Variants in FARP1 observed in about 807,000 individuals in gnomAD.
FARP1 encodes the protein FERM, ARH/RhoGEF and pleckstrin domain protein 1, also known as FERM, ARHGEF and pleckstrin domain-containing protein 1.
FARP1 carries 52 observed loss-of-function variants against 128.8 expected under a neutral mutation model. The ratio of observed to expected loss-of-function variants is 0.40; its 90% confidence interval spans 0.32 to 0.51. The LOEUF (loss-of-function observed/expected upper bound fraction) is 0.51. Among genes scored for constraint, FARP1 ranks in the 20% least tolerant of loss-of-function variants. The pLI, the probability that FARP1 is intolerant of heterozygous loss-of-function variation, is 0.45. For missense variants in FARP1, 1,333 were observed against 1,367.9 expected (o/e 0.97, Z 0.40); for synonymous variants, 580 against 551.8 (o/e 1.05, Z -0.72).
intron 2 of FARP1, among the ~76,000 whole-genome samples, chr13:98,283,958 A>G (rs1218006560): frequency 2.0e-5 from 3 of 152,252 alleles, no homozygotes; most frequent in Admixed American, 2.0e-4. Flanking sequence ...CCAGCAACAT[A>G]TAGTGATTTC....
At chr13:98,223,406 A>G (rs975537214) in intron 2 of FARP1, among the ~76,000 whole-genome samples, 2 of 152,056 alleles carry the variant, frequency 1.3e-5, no homozygotes, top group African/African-American at 4.8e-5. Context: ...GCTCACTGCA[A>G]CCTCCGCCTC....
chr13:98,330,401 A>G (rs1887452047), intron 2 of FARP1, among the ~76,000 whole-genome samples: 1 of 152,224 alleles, frequency 6.6e-6, no homozygotes, highest in Non-Finnish European at 1.5e-5. Context: ...TTATGTGATA[A>G]GTCAGATAGT....
chr13:98,285,291 A>G (rs1885115098), intron 2 of FARP1, among the ~76,000 whole-genome samples: 1 of 151,734 alleles, frequency 6.6e-6, no homozygotes, highest in African/African-American at 2.4e-5. Context: ...ATTCTTACTT[A>G]TAAGAAGTTT....
At chr13:98,317,066 G>A (rs1017916921) in intron 2 of FARP1, among the ~76,000 whole-genome samples, 1 of 152,148 alleles carries the variant, frequency 6.6e-6, no homozygotes, top group Non-Finnish European at 1.5e-5. Flanking sequence ...GACACACACA[G>A]CCATGTGGAG....
chr13:98,247,789 G>A (rs1393448817), intron 2 of FARP1, among the ~76,000 whole-genome samples: 2 of 152,150 alleles, frequency 1.3e-5, no homozygotes, highest in Non-Finnish European at 2.9e-5. Context: ...AACAGAAACA[G>A]AGAACAGGGG....
intron 1 of FARP1, among the ~76,000 whole-genome samples, chr13:98,203,108 T>A (rs1461948433): frequency 1.3e-5 from 2 of 152,212 alleles, no homozygotes; most frequent in Non-Finnish European, 2.9e-5. Context: ...GTCCCCAGCC[T>A]GCCTTGCTTT....
At chr13:98,420,773 G>T (rs576039672) in intron 16 of FARP1, among the ~76,000 whole-genome samples, 1 of 152,318 alleles carries the variant, frequency 6.6e-6, no homozygotes, top group South Asian at 2.1e-4. Context: ...AGGACGTGGT[G>T]GAAGAGTTAT....
chr13:98,409,724 A>C (rs570719086), intron 14 of FARP1, among the ~76,000 whole-genome samples, 199 bp downstream of exon 14: 3 of 152,304 alleles, frequency 2.0e-5, no homozygotes, highest in African/African-American at 7.2e-5. Context: ...TTATCTTCCC[A>C]AACAGAAACT....
chr13:98,267,162 A>G (rs1424262587), intron 2 of FARP1, among the ~76,000 whole-genome samples: 2 of 152,196 alleles, frequency 1.3e-5, no homozygotes, highest in South Asian at 2.1e-4. Flanking sequence ...AAGGGCCACC[A>G]CTATGTTTTT....
intron 5 of FARP1, among the ~76,000 whole-genome samples, chr13:98,376,581 G>A (rs113552148): frequency 2.3e-3 from 352 of 152,280 alleles, no homozygotes; most frequent in African/African-American, 8.0e-3. Context: ...CAGTAAACAT[G>A]GGAGTGCAGA....
chr13:98,243,056 C>T (rs1882862083), intron 2 of FARP1, among the ~76,000 whole-genome samples: 1 of 152,176 alleles, frequency 6.6e-6, no homozygotes, highest in African/African-American at 2.4e-5. Flanking sequence ...TTACTGTTTC[C>T]ATGAGGAACT....
chr13:98,190,587 G>A (rs1286577430), intron 1 of FARP1, among the ~76,000 whole-genome samples: 1 of 152,156 alleles, frequency 6.6e-6, no homozygotes, highest in Admixed American at 6.5e-5. Flanking sequence ...TTTAGAAACA[G>A]GGTCTCGCTC....
chr13:98,328,598 C>T (rs1887336449), intron 2 of FARP1: 1 of 152,204 alleles, frequency 6.6e-6, no homozygotes, highest in Non-Finnish European at 1.5e-5. Flanking sequence ...GACTCTTTTT[C>T]TTTCCTCATT....
rs187487953 is a variant in FARP1 at position 98,351,235 on chromosome 13, G to A, written c.276+7369G>A. ...GCAGTGGCCTGCTGAGCTGTTGGCC[G>A]TATCATACCTGAATAAGAAATGTGC... is the stretch of plus-strand genomic sequence containing the variant. On this transcript the variant is annotated intron_variant, in intron 3 of 26. Transcript: ENST00000319562. Among the ~76,000 whole-genome samples, 176 of 152,224 alleles carry A rather than the reference G, an allele frequency of 1.2e-3. 1 individual carries two copies. The highest frequency in any genetic ancestry group is 3.4e-3 in the Middle Eastern group (1 of 292).
At chr13:98,367,133 AGATGAT>A (rs111823714) in intron 4 of FARP1, among the ~76,000 whole-genome samples, 68 of 148,704 alleles carry the variant, frequency 4.6e-4, no homozygotes, top group East Asian at 3.4e-3. Context: ...TGCAAATCAC[AGATGAT>A]GATGATGATG....
At chr13:98,228,834 A>G (rs1881945220) in intron 2 of FARP1, among the ~76,000 whole-genome samples, 1 of 152,230 alleles carries the variant, frequency 6.6e-6, no homozygotes, top group African/African-American at 2.4e-5. Context: ...CATTGCAAAG[A>G]TATAGAATGT....
intron 8 of FARP1, among the ~76,000 whole-genome samples, chr13:98,387,973 TAGTA>T (rs1358575095): frequency 2.0e-5 from 3 of 152,122 alleles, no homozygotes; most frequent in Non-Finnish European, 4.4e-5. Flanking sequence ...AAAATGAAAA[TAGTA>T]AGTCCATCTT....
Position 98,274,996 on chromosome 13 carries a change from CTT to C in FARP1, c.171+61584_171+61585del, listed in dbSNP as rs1884567878. Among the ~76,000 whole-genome samples, 3 of 152,276 alleles carry C rather than the reference CTT, an allele frequency of 2.0e-5. No individual in the cohort carries two copies. In the South Asian group the frequency reaches 6.2e-4, roughly 32 times the overall value. On this transcript the variant is annotated intron_variant, in intron 2 of 26. Coordinates refer to ENST00000319562, the MANE Select transcript of FARP1 (RefSeq NM_005766.4). ...TAATATGATTGTATTAAAAAGTGTT[CTT>C]CAGCCATGCAATACTGTATTCATCT...
chr13:98,186,896 G>A (rs1185965106), intron 1 of FARP1, among the ~76,000 whole-genome samples: 2 of 148,244 alleles, frequency 1.3e-5, no homozygotes, highest in Non-Finnish European at 3.0e-5. Context: ...GGAGGCTGAG[G>A]CGTAAGAATT....
Sources: gnomAD v4.1 joint callset for allele counts (sites outside exome capture counted in the v4.1 genomes callset) on GRCh38, gnomAD v4.1.1 for gene constraint, MANE v1.5 for transcripts, NCBI Gene and HGNC (gene_info 2026-07-23, HGNC 2026-07-21) for gene names.